The following TENT5C variants were observed in gnomAD, a reference collection of about 807,000 sequenced individuals.
TENT5C encodes the protein terminal nucleotidyltransferase 5C.
TENT5C carries 5 observed loss-of-function variants against 22.2 expected under a neutral mutation model. That is an observed-to-expected ratio of 0.22 (90% CI 0.12 to 0.47). TENT5C has a LOEUF of 0.47. Among genes scored for constraint, TENT5C ranks in the 20% least tolerant of loss-of-function variants. The pLI, the probability that TENT5C is intolerant of heterozygous loss-of-function variation, is 0.99. For synonymous variants in TENT5C, 199 were observed against 195.4 expected (o/e 1.02, Z -0.15); for missense variants, 364 against 500.9 (o/e 0.73, Z 2.61).
rs951038327 is a variant in TENT5C at position 117,624,842 on chromosome 1, C to T, written c.*798C>T. ...GAAGGGGATAATTGTAAATAGGAAA[C>T]ATGAATGTTCATTTTTTTCTTTAAA... On this transcript the variant is annotated 3_prime_UTR_variant, in exon 2 of 2. Transcript: ENST00000369448. The T allele has an allele frequency of 4.0e-6, 1 of 247,578 alleles. No individual in the cohort carries two copies. Among genetic ancestry groups the T allele is most frequent in the South Asian group, 1.8e-4 (1 of 5,524 alleles). The allele number at this position is 247,578 out of a possible 1,614,324, so 15.3% of individuals were successfully genotyped here. A position where few individuals can be genotyped will look rare whatever the true frequency, so the allele number is the denominator to read the frequency against.
At chr1:117,613,071 A>T (rs960082033) in intron 1 of TENT5C, among the ~76,000 whole-genome samples, 8 of 152,218 alleles carry the variant, frequency 5.3e-5, no homozygotes, top group South Asian at 2.1e-4. Flanking sequence ...GCAATCTCTA[A>T]AACAGAAAGG....
chr1:117,622,915 T>G lies in TENT5C; in HGVS notation c.47T>G (p.Val16Gly), dbSNP rs1376138887. The part of the protein sequence containing the change: ...SCTRDCMSFS[V>G]LNWDQVSRLH... ...ACCAGGGATTGCATGTCCTTCAGCG[T>G]GCTCAACTGGGATCAGGTTAGCCGG... Residue 16 changes from valine to glycine, a missense_variant, in exon 2 of 2, where the codon GTG becomes GGG. Physicochemically the swap from Val to Gly is moderately radical, Grantham distance 109 (BLOSUM62 -3). Transcript: ENST00000369448. 1 of 1,613,954 alleles carries G rather than the reference T, an allele frequency of 6.2e-7. No homozygotes were observed. The highest frequency in any genetic ancestry group is 1.7e-5 in the Admixed American group (1 of 60,000).
chr1:117,622,065 T>G (rs1653904872), intron 1 of TENT5C, among the ~76,000 whole-genome samples: 1 of 152,196 alleles, frequency 6.6e-6, no homozygotes, highest in South Asian at 2.1e-4. Context: ...GCATCCTTGC[T>G]AGGAAGAGTG....
At chr1:117,606,980 T>A (rs1179803551) in intron 1 of TENT5C, among the ~76,000 whole-genome samples, 3 of 152,170 alleles carry the variant, frequency 2.0e-5, no homozygotes, top group African/African-American at 7.2e-5. Context: ...GTGGGTCGAC[T>A]CGGACGGATA....
rs761311224 is a variant in TENT5C at position 117,625,229 on chromosome 1, G to A, written c.*1185G>A. 8 of 247,706 alleles carry A rather than the reference G, an allele frequency of 3.2e-5. No homozygotes were observed. The highest frequency in any genetic ancestry group is 1.8e-4 in the East Asian group (3 of 16,584). The allele number at this position is 247,706 out of a possible 1,614,324, so 15.3% of individuals were successfully genotyped here. On this transcript the variant is annotated 3_prime_UTR_variant, in exon 2 of 2. Transcript: ENST00000369448. ...CTTTAGAATCTAACCTGCTGTCTTCGTGCTCTGTGTGAAGGGGAAGCTGGG... is the reference window on the plus strand; with the variant it reads ...CTTTAGAATCTAACCTGCTGTCTTCATGCTCTGTGTGAAGGGGAAGCTGGG...
Position 117,624,244 on chromosome 1 carries a change from T to C in TENT5C, c.*200T>C, listed in dbSNP as rs1653964637. 1 of 570,292 alleles carries C rather than the reference T, an allele frequency of 1.8e-6. No homozygotes were observed. Among genetic ancestry groups the C allele is most frequent in the Non-Finnish European group, 3.1e-6 (1 of 319,048 alleles). The allele number at this position is 570,292 out of a possible 1,614,324, so 35.3% of individuals were successfully genotyped here. The stretch of plus-strand genomic sequence containing the variant: ...TGAGCCAACCCTCAAAGGACCCGTA[T>C]TACAGTGCCACGTTGGAAAACGCTA... On this transcript the variant is annotated 3_prime_UTR_variant, in exon 2 of 2. Transcript: ENST00000369448.
At chr1:117,615,306 T>G (rs1439678755) in intron 1 of TENT5C, among the ~76,000 whole-genome samples, 1 of 152,208 alleles carries the variant, frequency 6.6e-6, no homozygotes, top group African/African-American at 2.4e-5. Context: ...GCTATCCACC[T>G]TTTAGGAAGA....
In TENT5C at chr1:117,623,021, C is replaced by T. The variant is rs374748531; in HGVS notation, c.153C>T (p.Ile51=). 3.3e-5 allele frequency: 53 copies of T among 1,614,100 alleles called. 1 individual carries two copies. Among genetic ancestry groups the T allele is most frequent in the South Asian group, 1.2e-4 (11 of 91,076 alleles). ...FPTLEITLKD[I]VQTVRSRLEE... is the part of the protein sequence containing the mutation. The stretch of plus-strand genomic sequence containing the variant: ...CCTTGGAGATAACTCTGAAGGACAT[C>T]GTCCAGACCGTCCGCAGTCGGCTGG... Residue 51 remains isoleucine (I), a synonymous_variant, in exon 2 of 2, where the codon ATC becomes ATT. Coordinates refer to ENST00000369448, the MANE Select transcript of TENT5C (RefSeq NM_017709.4).
rs1654033055 is a variant in TENT5C, at chr1:117,627,267, A to G, written c.*3223A>G. 4.0e-6 allele frequency: 1 copy of G among 248,108 alleles called. No individual in the cohort carries two copies. Among genetic ancestry groups the G allele is most frequent in the Non-Finnish European group, 8.5e-6 (1 of 118,148 alleles). The allele number at this position is 248,108 out of a possible 1,614,324, so 15.4% of individuals were successfully genotyped here. On this transcript the variant is annotated 3_prime_UTR_variant, in exon 2 of 2. Transcript: ENST00000369448. ...ATGAACTTGTGTTTTGTGGTGACAC[A>G]TTAATAATCAAATTGCTAAAACCCT...
intron 1 of TENT5C, among the ~76,000 whole-genome samples, chr1:117,609,235 C>T (rs1408690531): frequency 1.3e-5 from 2 of 152,130 alleles, no homozygotes; most frequent in Non-Finnish European, 2.9e-5. Context: ...CATAAAGAGG[C>T]TTGCATTTGG....
chr1:117,608,838 A>G (rs2101071977), intron 1 of TENT5C, among the ~76,000 whole-genome samples: 1 of 148,566 alleles, frequency 6.7e-6, no homozygotes, highest in East Asian at 2.0e-4. Context: ...AGCTAAACTT[A>G]TGTTTTGGGG....
At chr1:117,615,505 C>A (rs1034232807) in intron 1 of TENT5C, among the ~76,000 whole-genome samples, 4 of 152,190 alleles carry the variant, frequency 2.6e-5, no homozygotes, top group Admixed American at 1.3e-4. Context: ...TGTTTTACTG[C>A]CTATTTGTGA....
At chr1:117,617,320 C>G (rs1653808262) in intron 1 of TENT5C, among the ~76,000 whole-genome samples, 1 of 151,902 alleles carries the variant, frequency 6.6e-6, no homozygotes, top group Non-Finnish European at 1.5e-5. Flanking sequence ...TCTCAGGGAC[C>G]TTGGTTTAAC....
chr1:117,623,814 G>A lies in TENT5C; in HGVS notation c.946G>A (p.Glu316Lys), dbSNP rs764287568. 4.3e-6 allele frequency: 7 copies of A among 1,614,034 alleles called. No individual in the cohort carries two copies. Among genetic ancestry groups the A allele is most frequent in the Admixed American group, 1.7e-5 (1 of 60,002 alleles). ...YLMILRRVVNESTVCLMGHER... is the reference protein window; with the variant it reads ...YLMILRRVVNKSTVCLMGHER... ...CATGATCCTTCGCAGGGTGGTGAAC[G>A]AGAGCACCGTGTGTCTCATGGGGCA... is the stretch of plus-strand genomic sequence containing the variant. Residue 316 changes from glutamate (E) to lysine (K), a missense_variant, in exon 2 of 2, where the codon GAG becomes AAG. Coordinates refer to ENST00000369448, the MANE Select transcript of TENT5C (RefSeq NM_017709.4).
chr1:117,618,561 A>G (rs1435992344), intron 1 of TENT5C, among the ~76,000 whole-genome samples: 1 of 148,738 alleles, frequency 6.7e-6, no homozygotes, highest in Non-Finnish European at 1.5e-5. Context: ...ATTTTGTCAC[A>G]TGGATGTGGG....
At position 117,624,728 on chromosome 1, in the gene TENT5C, A is replaced by G. The variant is rs1168416545; in HGVS notation, c.*684A>G. On this transcript the variant is annotated 3_prime_UTR_variant, in exon 2 of 2. Transcript: ENST00000369448. The stretch of plus-strand genomic sequence containing the variant: ...GAATTGCGAGATATTGCTGAGGGGA[A>G]AAAAAAATGACCTTTTCTTGAAATG... 2 of 247,414 alleles carry G rather than the reference A, an allele frequency of 8.1e-6. No homozygotes were observed. Among genetic ancestry groups the G allele is most frequent in the African/African-American group, 4.4e-5 (2 of 45,194 alleles). 15.3% of individuals were successfully genotyped at this position (247,414 alleles called of 1,614,324 possible). A position where few individuals can be genotyped will look rare whatever the true frequency, so the allele number is the denominator to read the frequency against.
chr1:117,620,208 A>G (rs1344432987), intron 1 of TENT5C, among the ~76,000 whole-genome samples: 2 of 152,230 alleles, frequency 1.3e-5, no homozygotes, highest in Non-Finnish European at 2.9e-5. Flanking sequence ...TTAATCCTAC[A>G]TGACGTCTTT....
Position 117,628,098 on chromosome 1 carries a change from G to A in TENT5C, c.*4054G>A, listed in dbSNP as rs564022764. Reference sequence around the variant, plus strand: ...AACCTATCTGGTGTTTTATTTTAATGGATAAAAATGTAATTTTTCTAAGGT... The same window carrying A: ...AACCTATCTGGTGTTTTATTTTAATAGATAAAAATGTAATTTTTCTAAGGT... On this transcript the variant is annotated 3_prime_UTR_variant, in exon 2 of 2. Transcript: ENST00000369448. 4.0e-6 allele frequency: 1 copy of A among 247,822 alleles called. No homozygotes were observed. Among genetic ancestry groups the A allele is most frequent in the South Asian group, 1.8e-4 (1 of 5,524 alleles). The allele number at this position is 247,822 out of a possible 1,614,324, so 15.4% of individuals were successfully genotyped here. A position where few individuals can be genotyped will look rare whatever the true frequency, so the allele number is the denominator to read the frequency against.
intron 1 of TENT5C, among the ~76,000 whole-genome samples, chr1:117,612,236 G>C (rs990399384): frequency 2.0e-5 from 3 of 152,124 alleles, no homozygotes; most frequent in Non-Finnish European, 4.4e-5. Flanking sequence ...GCACATTTTT[G>C]AAAGAGTGAA....
Sources: gnomAD v4.1 joint callset for allele counts (sites outside exome capture counted in the v4.1 genomes callset) on GRCh38, gnomAD v4.1.1 for gene constraint, MANE v1.5 for transcripts, NCBI Gene and HGNC (gene_info 2026-07-23, HGNC 2026-07-21) for gene names.